Variants in DNAAF4 observed in about 807,000 individuals in gnomAD.
DNAAF4 encodes the protein dynein axonemal assembly factor 4.
Under a neutral mutation model 51.8 loss-of-function variants are expected in DNAAF4, and 43 were observed. That is an observed-to-expected ratio of 0.83 (90% CI 0.65 to 1.07). The LOEUF is 1.07. Ranked by LOEUF, DNAAF4 falls within the 50% of genes least tolerant of loss-of-function variation. DNAAF4 has a pLI of 0.00. For missense variants in DNAAF4, 581 were observed against 493.0 expected (o/e 1.18, Z -1.69); for synonymous variants, 194 against 165.6 (o/e 1.17, Z -1.32).
chr15:55,473,221 ATGTGTGTG>A (rs1269364939), intron 4 of DNAAF4, among the ~76,000 whole-genome samples: 2 of 97,166 alleles, frequency 2.1e-5, no homozygotes, highest in East Asian at 2.5e-4. Context: ...ATATATATAT[ATGTGTGTG>A]TGTATATATA....
intron 4 of DNAAF4, among the ~76,000 whole-genome samples, chr15:55,479,803 T>C (rs971586353): frequency 1.3e-5 from 2 of 152,088 alleles, no homozygotes; most frequent in Admixed American, 6.6e-5. Flanking sequence ...AGATACGCCC[T>C]GGTCTCCTGC....
At chr15:55,438,021 T>C (rs1015123292) in intron 7 of DNAAF4, among the ~76,000 whole-genome samples, 1 of 152,206 alleles carries the variant, frequency 6.6e-6, no homozygotes, top group African/African-American at 2.4e-5. Context: ...CCTCAAAATA[T>C]GAACACAAAT....
intron 4 of DNAAF4, among the ~76,000 whole-genome samples, chr15:55,472,314 C>A (rs1252840294): frequency 6.6e-6 from 1 of 152,070 alleles, no homozygotes; most frequent in East Asian, 1.9e-4. Flanking sequence ...AAATAATAAT[C>A]ATCGTACATA....
chr15:55,500,963 G>C (rs1435337212), intron 1 of DNAAF4, among the ~76,000 whole-genome samples: 1 of 132,242 alleles, frequency 7.6e-6, no homozygotes, highest in Admixed American at 8.6e-5. Flanking sequence ...TTGCACTCCA[G>C]CCTGAGCAAC....
chr15:55,503,633 T>C (rs2058711230), intron 1 of DNAAF4, among the ~76,000 whole-genome samples: 1 of 152,122 alleles, frequency 6.6e-6, no homozygotes, highest in Non-Finnish European at 1.5e-5. Context: ...CGCAAATCAA[T>C]AAACATAATC....
At chr15:55,447,939 T>A (rs2057864775) in intron 6 of DNAAF4, among the ~76,000 whole-genome samples, 1 of 151,918 alleles carries the variant, frequency 6.6e-6, no homozygotes, top group African/African-American at 2.4e-5. Flanking sequence ...CTTCCAACAC[T>A]ATGCTGTGTT....
intron 4 of DNAAF4, among the ~76,000 whole-genome samples, chr15:55,473,421 C>T (rs1019837301): frequency 6.8e-6 from 1 of 147,532 alleles, no homozygotes; most frequent in African/African-American, 2.5e-5. Flanking sequence ...AATTATAATA[C>T]ACCTTAATCA....
At chr15:55,484,126 C>T (rs1291659483) in intron 4 of DNAAF4, among the ~76,000 whole-genome samples, 2 of 151,900 alleles carry the variant, frequency 1.3e-5, no homozygotes, top group African/African-American at 4.8e-5. Flanking sequence ...GGAATCCTTG[C>T]ACACTGTGAT....
chr15:55,426,466 C>G (rs942004997), downstream of DNAAF4, among the ~76,000 whole-genome samples: 2 of 152,152 alleles, frequency 1.3e-5, no homozygotes, highest in Non-Finnish European at 2.9e-5. Flanking sequence ...CAGGAAGGAA[C>G]AAGGACAGCT....
At position 55,498,595 on chromosome 15, in the gene DNAAF4, A is replaced by G. The variant is rs1466459704; in HGVS notation, c.-255-11T>C. ...GTAGACCCATACCCTCTGCTTGAGA[A>G]AAAAAAAAAAAAAAAAAAGCACTCT... On this transcript the variant is annotated splice_polypyrimidine_tract_variant and intron_variant, in intron 1 of 9. Coordinates refer to ENST00000321149, the MANE Select transcript of DNAAF4 (RefSeq NM_130810.4). 7 of 152,138 alleles carry G rather than the reference A, an allele frequency of 4.6e-5. No homozygotes were observed. The highest frequency in any genetic ancestry group is 9.2e-5 in the Non-Finnish European group (7 of 75,964). 9.4% of individuals were successfully genotyped at this position (152,138 alleles called of 1,614,324 possible).
At chr15:55,451,973 G>A (rs1024996666) in intron 5 of DNAAF4, among the ~76,000 whole-genome samples, 1 of 151,916 alleles carries the variant, frequency 6.6e-6, no homozygotes, top group African/African-American at 2.4e-5. Flanking sequence ...AGGTCTGGGC[G>A]CAGCGGCTCA....
intron 6 of DNAAF4, among the ~76,000 whole-genome samples, chr15:55,449,099 C>T (rs2057890400): frequency 6.7e-6 from 1 of 150,180 alleles, no homozygotes; most frequent in East Asian, 2.1e-4. Flanking sequence ...AAGTGATTCT[C>T]CTGCCTCAGC....
chr15:55,470,222 T>C (rs995231358), intron 4 of DNAAF4, among the ~76,000 whole-genome samples: 1 of 151,968 alleles, frequency 6.6e-6, no homozygotes, highest in Non-Finnish European at 1.5e-5. Context: ...TGGCTAATTT[T>C]TGTATTTTTA....
intron 1 of DNAAF4, among the ~76,000 whole-genome samples, chr15:55,499,154 T>C (rs942514561): frequency 6.6e-6 from 1 of 152,118 alleles, no homozygotes; most frequent in Non-Finnish European, 1.5e-5. Context: ...TGTGAACAAA[T>C]GTGAACCTGA....
intron 4 of DNAAF4, among the ~76,000 whole-genome samples, chr15:55,481,189 C>G (rs569205886): frequency 6.6e-6 from 1 of 152,120 alleles, no homozygotes; most frequent in East Asian, 1.9e-4. Context: ...TGAGAATGGA[C>G]TAATACAGGG....
intron 6 of DNAAF4, among the ~76,000 whole-genome samples, chr15:55,445,795 C>T (rs544463249): frequency 2.9e-4 from 44 of 149,590 alleles, no homozygotes; most frequent in South Asian, 2.1e-3. Context: ...AGGCGCTCCC[C>T]GCTTCCCAGA....
At chr15:55,486,337 G>T (rs920248362) in intron 4 of DNAAF4, among the ~76,000 whole-genome samples, 1 of 151,822 alleles carries the variant, frequency 6.6e-6, no homozygotes, top group Non-Finnish European at 1.5e-5. Flanking sequence ...AAGATTACAG[G>T]TGCCTGCCAC....
chr15:55,431,912 C>T (rs983696998), intron 9 of DNAAF4, among the ~76,000 whole-genome samples: 4 of 152,086 alleles, frequency 2.6e-5, no homozygotes, highest in African/African-American at 4.8e-5. Context: ...GCACCACACC[C>T]AGCATTTATC....
intron 5 of DNAAF4, among the ~76,000 whole-genome samples, chr15:55,461,954 A>C (rs2058099729): frequency 6.6e-6 from 1 of 152,252 alleles, no homozygotes; most frequent in African/African-American, 2.4e-5. Flanking sequence ...GAGAAATTAC[A>C]ACAAATACCA....
Sources: allele counts gnomAD v4.1 joint callset (sites outside exome capture counted in the v4.1 genomes callset), GRCh38; gene constraint gnomAD v4.1.1; transcripts MANE v1.5; gene names NCBI Gene and HGNC (gene_info 2026-07-23, HGNC 2026-07-21).